DCAF8L2: variants seen among roughly 807,000 people sequenced by gnomAD.
DCAF8L2 encodes DDB1 and CUL4 associated factor 8 like 2.
For missense variants in DCAF8L2, 430 were observed against 490.7 expected (o/e 0.88, Z 1.17); for synonymous variants, 200 against 190.9 (o/e 1.05, Z -0.39).
At chrX:27,495,819 A>G in the DCAF8L2 span, among the ~76,000 whole-genome samples, 4 of 112,168 alleles carry the variant, frequency 3.6e-5, no homozygotes, top group South Asian at 1.1e-3. Flanking sequence ...CTTTGTGAGG[A>G]TGATATTCAC....
At chrX:27,642,029 C>T (rs756156635) in intron 2 of DCAF8L2, among the ~76,000 whole-genome samples, 2 of 109,246 alleles carry the variant, frequency 1.8e-5, no homozygotes, top group South Asian at 8.1e-4. Flanking sequence ...GCTGGGACTA[C>T]AGGTGCCTGC....
intron 4 of DCAF8L2, among the ~76,000 whole-genome samples, chrX:27,723,959 A>G (rs761269829): frequency 8.1e-5 from 9 of 111,069 alleles, no homozygotes. Context: ...AACAAGATAA[A>G]ATATTGTTTG....
intron 2 of DCAF8L2, among the ~76,000 whole-genome samples, chrX:27,641,265 G>C (rs1039601581): frequency 5.4e-5 from 6 of 110,673 alleles, no homozygotes; most frequent in African/African-American, 1.6e-4. Context: ...ACATCTACTG[G>C]TGATGAATTC....
At chrX:27,525,735 C>A in the DCAF8L2 span, among the ~76,000 whole-genome samples, 2 of 111,304 alleles carry the variant, frequency 1.8e-5, no homozygotes, top group African/African-American at 3.3e-5. Flanking sequence ...TGGTGACAAA[C>A]TCTCAGCATT....
chrX:27,693,461 C>A (rs779367786), intron 3 of DCAF8L2, among the ~76,000 whole-genome samples: 14 of 111,547 alleles, frequency 1.3e-4, no homozygotes, highest in Non-Finnish European at 2.1e-4. Flanking sequence ...TCTATCCCCT[C>A]CTATTTTACC....
chrX:27,478,619 T>C, the DCAF8L2 span, among the ~76,000 whole-genome samples: 2 of 112,234 alleles, frequency 1.8e-5, no homozygotes, highest in Admixed American at 1.9e-4. Context: ...TATTTTATCA[T>C]AAAATGTTAA....
intron 2 of DCAF8L2, among the ~76,000 whole-genome samples, chrX:27,644,646 T>A (rs1228643944): frequency 9.0e-6 from 1 of 111,728 alleles, no homozygotes; most frequent in Non-Finnish European, 1.9e-5. Flanking sequence ...GGAAACCAAC[T>A]GATAAAATAA....
At chrX:27,542,763 C>T in the DCAF8L2 span, among the ~76,000 whole-genome samples, 1 of 108,974 alleles carries the variant, frequency 9.2e-6, no homozygotes, top group Non-Finnish European at 1.9e-5. Flanking sequence ...GGGATGGTCT[C>T]GATCTCCTGA....
intron 2 of DCAF8L2, among the ~76,000 whole-genome samples, chrX:27,635,661 A>G (rs972985516): frequency 8.9e-6 from 1 of 111,993 alleles, no homozygotes; most frequent in Admixed American, 9.5e-5. Flanking sequence ...TAACACTTAC[A>G]AGAAAAAGAA....
chrX:27,615,016 T>A (rs965358260), intron 1 of DCAF8L2, among the ~76,000 whole-genome samples: 1 of 111,257 alleles, frequency 9.0e-6, no homozygotes, highest in Non-Finnish European at 1.9e-5. Context: ...CTGTAGCAAG[T>A]CTAAGTTATA....
chrX:27,557,707 G>A, the DCAF8L2 span, among the ~76,000 whole-genome samples: 1 of 111,349 alleles, frequency 9.0e-6, no homozygotes, highest in Non-Finnish European at 1.9e-5. Context: ...TGGGAAGGAC[G>A]TGACCTGACG....
At chrX:27,477,257 C>T in the DCAF8L2 span, among the ~76,000 whole-genome samples, 1 of 112,009 alleles carries the variant, frequency 8.9e-6, no homozygotes, top group Non-Finnish European at 1.9e-5. Flanking sequence ...GGATAATAGG[C>T]TTATTTAGAG....
intron 1 of DCAF8L2, among the ~76,000 whole-genome samples, chrX:27,620,538 A>G (rs919263866): frequency 1.1e-4 from 12 of 112,127 alleles, no homozygotes; most frequent in African/African-American, 1.6e-4. Flanking sequence ...CAAAGAAAAT[A>G]TACAAATGGC....
chrX:27,503,858 C>T, the DCAF8L2 span, among the ~76,000 whole-genome samples: 2 of 111,246 alleles, frequency 1.8e-5, no homozygotes, highest in African/African-American at 6.5e-5. Flanking sequence ...ACTCCTCATT[C>T]GTGGTTTTAC....
Position 27,696,318 on chromosome X carries a change from GAA to G in DCAF8L2, c.-143+18408_-143+18409del, listed in dbSNP as rs1408838259. The stretch of plus-strand genomic sequence containing the variant: ...AGAAAGAAAGAAAGAAAGAAAGAAA[GAA>G]AGAAAGAAAGAAAAAGAAAGAAAGA... On this transcript the variant is annotated intron_variant, in intron 3 of 4. Transcript: ENST00000451261. 1.1e-3 allele frequency among the ~76,000 whole-genome samples: 62 copies of G among 53,965 alleles called. 2 individuals carry two copies. The highest frequency in any genetic ancestry group is 3.7e-3 in the African/African-American group (48 of 13,106). The allele number at this position is 53,965 out of a possible 115,157, so 46.9% of individuals were successfully genotyped here. A position where few individuals can be genotyped will look rare whatever the true frequency, so the allele number is the denominator to read the frequency against.
chrX:27,591,013 A>G lies in DCAF8L2; in HGVS notation c.-342+573A>G, dbSNP rs955127000. On this transcript the variant is annotated intron_variant, in intron 1 of 4. Coordinates refer to ENST00000451261, the MANE Select transcript of DCAF8L2 (RefSeq NM_001353450.2). ...ATTTTATATATATATATATATATAT[A>G]TAAATAAATAATTTGATAGGTTACA... Among the ~76,000 whole-genome samples the G allele has an allele frequency of 3.8e-4, 37 of 97,296 alleles. 1 individual carries two copies. The highest frequency in any genetic ancestry group is 1.2e-3 in the African/African-American group (33 of 27,833). The allele number at this position is 97,296 out of a possible 115,157, so 84.5% of individuals were successfully genotyped here. A position where few individuals can be genotyped will look rare whatever the true frequency, so the allele number is the denominator to read the frequency against.
At chrX:27,690,613 GA>G (rs77177381) in intron 3 of DCAF8L2, among the ~76,000 whole-genome samples, 59 of 104,160 alleles carry the variant, frequency 5.7e-4, no homozygotes, top group African/African-American at 1.9e-3. Flanking sequence ...ACTAAAAGGA[GA>G]AAAAAAAAAC....
intron 2 of DCAF8L2, among the ~76,000 whole-genome samples, chrX:27,648,047 G>T (rs183347220): frequency 1.8e-5 from 2 of 111,148 alleles, no homozygotes; most frequent in Non-Finnish European, 3.8e-5. Flanking sequence ...TGGCAAAAAA[G>T]AATTCACAGG....
At chrX:27,600,482 G>T (rs1199861559) in intron 1 of DCAF8L2, among the ~76,000 whole-genome samples, 1 of 111,507 alleles carries the variant, frequency 9.0e-6, no homozygotes, top group African/African-American at 3.3e-5. Context: ...TATTTAATTT[G>T]CATGAAACAA....
Sources: gnomAD v4.1 joint callset for allele counts (sites outside exome capture counted in the v4.1 genomes callset) on GRCh38, gnomAD v4.1.1 for gene constraint, MANE v1.5 for transcripts, NCBI Gene and HGNC (gene_info 2026-07-23, HGNC 2026-07-21) for gene names.